Variants in CORO1B observed in about 807,000 individuals in gnomAD.
CORO1B encodes coronin 1B, also known as coronin-1B.
Under a neutral mutation model 51.1 loss-of-function variants are expected in CORO1B, and 30 were observed. The observed-to-expected ratio is 0.59, with a 90% CI of 0.44 to 0.80. CORO1B has a LOEUF of 0.80. CORO1B is among the 30% of genes least tolerant of loss of function. The pLI, the probability that CORO1B is intolerant of heterozygous loss-of-function variation, is 0.00. For synonymous variants in CORO1B, 310 were observed against 289.7 expected (o/e 1.07, Z -0.71); for missense variants, 648 against 700.4 (o/e 0.93, Z 0.84).
At chr11:67,442,210 C>A in intron 2 of CORO1B, 122 bp from the exon 3 acceptor site, 2 of 1,499,868 alleles carry the variant, frequency 1.3e-6, no homozygotes, top group Non-Finnish European at 1.8e-6. Flanking sequence ...GACTGTGCCC[C>A]ACTTGCCAGG....
rs372314596 is a variant in CORO1B at position 67,440,104 on chromosome 11, G to A, written c.1007+14C>T. On this transcript the variant is annotated intron_variant, in intron 8 of 10. Transcript: ENST00000341356. ...GATGCCCCTATCCCCGAGTGGCCTC[G>A]GTAGCCCTCTTACCGGGCGATCTCG... The A allele has an allele frequency of 4.4e-5, 70 of 1,602,816 alleles. No homozygotes were observed. The highest frequency in any genetic ancestry group is 2.9e-4 in the Admixed American group (17 of 59,274).
chr11:67,440,921 G>A, intron 6 of CORO1B: 1 of 701,656 alleles, frequency 1.4e-6, no homozygotes, highest in Non-Finnish European at 2.5e-6. Flanking sequence ...AGACACAGAG[G>A]CAGTGGGAGG....
At chr11:67,442,923 G>A (rs1864426941) in intron 1 of CORO1B, among the ~76,000 whole-genome samples, 1 of 152,218 alleles carries the variant, frequency 6.6e-6, no homozygotes, top group South Asian at 2.1e-4. Context: ...GGGGGCAGGA[G>A]GTGGGAGGTG....
At chr11:67,439,612 CT>C (rs984996502) in intron 9 of CORO1B, among the ~76,000 whole-genome samples, 173 bp downstream of exon 9, 18 of 152,224 alleles carry the variant, frequency 1.2e-4, no homozygotes, top group African/African-American at 3.9e-4. Flanking sequence ...CACTTGCCCC[CT>C]GACTGGCACA....
At chr11:67,442,703 G>C in intron 1 of CORO1B, 73 bp from the exon 2 acceptor site, 2 of 1,499,888 alleles carry the variant, frequency 1.3e-6, no homozygotes, top group Non-Finnish European at 1.8e-6. Context: ...TGCTGAAGGT[G>C]AGCCGGGAGG....
At chr11:67,441,644 C>T (rs1864396046) in intron 4 of CORO1B, 89 bp downstream of exon 4, 1 of 1,551,726 alleles carries the variant, frequency 6.4e-7, no homozygotes, top group African/African-American at 1.4e-5. Flanking sequence ...CTCAGCTTTC[C>T]CATTTGTCAT....
rs746526416 is a variant in CORO1B at position 67,438,450 on chromosome 11, G to C, written c.1396C>G (p.Leu466Val). The C allele has an allele frequency of 1.2e-6, 2 of 1,611,234 alleles. No individual in the cohort carries two copies. The highest frequency in any genetic ancestry group is 2.7e-5 in the African/African-American group (2 of 74,906). ...ATGCGGTCGCCCTGCTCCTTGACCA[G>C]CGCCCTCAGGGCCCGCAGCTCCTGC... ...VMQELRALRA[L>V]VKEQGDRICR... The change falls in exon 11 of 11, where the codon CTG becomes GTG. Residue 466 changes from leucine to valine, a missense_variant. Transcript: ENST00000341356.
At chr11:67,439,897 C>T in intron 8 of CORO1B, 54 bp from the exon 9 acceptor site, 1 of 1,518,540 alleles carries the variant, frequency 6.6e-7, no homozygotes, top group Non-Finnish European at 8.9e-7. Flanking sequence ...CCCCCACCCA[C>T]CGCCAGCTCT....
Position 67,437,607 on chromosome 11 carries a change from C to G in CORO1B, c.*769G>C, listed in dbSNP as rs764213205. 3 of 1,358,658 alleles carry G rather than the reference C, an allele frequency of 2.2e-6. No individual in the cohort carries two copies. The highest frequency in any genetic ancestry group is 2.9e-6 in the Non-Finnish European group (3 of 1,046,948). 84.2% of individuals were successfully genotyped at this position (1,358,658 alleles called of 1,614,324 possible). A position where few individuals can be genotyped will look rare whatever the true frequency, so the allele number is the denominator to read the frequency against. On this transcript the variant is annotated 3_prime_UTR_variant, in exon 11 of 11. Coordinates refer to ENST00000341356, the MANE Select transcript of CORO1B (RefSeq NM_020441.3). ...CCCATCCCAAGAACCCGGGGGGCTC[C>G]GAGGCTTACCATTGGTCCGCAGGCC...
Position 67,442,607 on chromosome 11 carries a change from G to A in CORO1B, c.22C>T (p.Arg8Trp), listed in dbSNP as rs1417986402. 2.5e-6 allele frequency: 4 copies of A among 1,613,524 alleles called. No homozygotes were observed. The highest frequency in any genetic ancestry group is 1.3e-5 in the African/African-American group (1 of 74,934). Reference protein sequence around the residue: MSFRKVVRQSKFRHVFGQ... With the variant: MSFRKVVWQSKFRHVFGQ... ...AACACATGCCGGAATTTGCTCTGCC[G>A]GACCACTTTGCGGAAGGACATGTCT... The change falls in exon 2 of 11, where the codon CGG becomes TGG. Residue 8 changes from arginine (R) to tryptophan (W), a missense_variant. Arg to Trp is a moderately radical substitution (Grantham distance 101). Coordinates refer to ENST00000341356, the MANE Select transcript of CORO1B (RefSeq NM_020441.3).
intron 3 of CORO1B, 33 bp downstream of exon 3, chr11:67,441,933 C>T: frequency 1.2e-6 from 2 of 1,613,044 alleles, no homozygotes; most frequent in South Asian, 1.1e-5. Context: ...CGGCCACACC[C>T]ACGACCCTGG....
chr11:67,442,678 C>A, intron 1 of CORO1B, 48 bp from the exon 2 acceptor site: 1 of 1,575,952 alleles, frequency 6.3e-7, no homozygotes, highest in Non-Finnish European at 8.7e-7. Context: ...CCAACAACTC[C>A]AGCCCTCCCC....
intron 6 of CORO1B, 91 bp from the exon 7 acceptor site, chr11:67,440,530 G>A: frequency 8.8e-7 from 1 of 1,142,590 alleles, no homozygotes; most frequent in Non-Finnish European, 1.3e-6. Context: ...ACTAAGGCCA[G>A]CCAGCACTGC....
At chr11:67,443,610 G>A, upstream of CORO1B, 1 of 710,122 alleles carries the variant, frequency 1.4e-6, no homozygotes, top group Non-Finnish European at 1.7e-6. Flanking sequence ...GAGCGGGGCC[G>A]CCGGGGACGG....
chr11:67,436,726 T>G lies in CORO1B; in HGVS notation c.*1650A>C. On this transcript the variant is annotated 3_prime_UTR_variant, in exon 11 of 11. Transcript: ENST00000341356. ...TGAGGCTGAACCTGACCTTAACCTC[T>G]ACCCTGATGTCTATCACTGCAGCCC... The G allele has an allele frequency of 1.9e-5, 4 of 206,522 alleles. No homozygotes were observed. Among genetic ancestry groups the G allele is most frequent in the Non-Finnish European group, 3.9e-5 (4 of 103,320 alleles). The allele number at this position is 206,522 out of a possible 1,614,324, so 12.8% of individuals were successfully genotyped here. A position where few individuals can be genotyped will look rare whatever the true frequency, so the allele number is the denominator to read the frequency against.
At position 67,441,483 on chromosome 11, in the gene CORO1B, C is replaced by T. The variant is rs781207833; in HGVS notation, c.486G>A (p.Val162=). 4.3e-5 allele frequency: 69 copies of T among 1,613,698 alleles called. No homozygotes were observed. The highest frequency in any genetic ancestry group is 5.8e-5 in the Non-Finnish European group (69 of 1,179,974). ...GCDNVVLIWN[V]GTAEELYRLD... ...GGCGGTACAGCTCCTCCGCTGTGCC[C>T]ACATTCCAGATGAGTACCACGTTGT... Residue 162 remains valine, a synonymous_variant, in exon 5 of 11, where the codon GTG becomes GTA. Transcript: ENST00000341356.
At chr11:67,439,003 C>T (rs1297598809) in intron 9 of CORO1B, 54 bp from the exon 10 acceptor site, 7 of 1,526,614 alleles carry the variant, frequency 4.6e-6, no homozygotes, top group Non-Finnish European at 5.3e-6. Flanking sequence ...ATCAGGGTCC[C>T]CTCATCCCTC....
rs532800018 is a variant in CORO1B, at chr11:67,442,559, G to C, written c.70C>G (p.Gln24Glu). 5.0e-6 allele frequency: 8 copies of C among 1,613,834 alleles called. No homozygotes were observed. The Admixed American group carries it at 8.3e-5, about 17-fold the overall frequency. The stretch of plus-strand genomic sequence containing the variant: ...GACACGCGAATGTCCTCATAGCACT[G>C]GTCGTTCTTGACCGGCTGCCCGAAC... Reference protein sequence around the residue: ...HVFGQPVKNDQCYEDIRVSRV... With the variant: ...HVFGQPVKNDECYEDIRVSRV... Residue 24 changes from glutamine (Q) to glutamate (E), a missense_variant, in exon 2 of 11, where the codon CAG becomes GAG. Gln to Glu is a conservative substitution (Grantham distance 29, BLOSUM62 2). Transcript: ENST00000341356.
rs766639978 is a variant in CORO1B, at chr11:67,440,217, T to C, written c.908A>G (p.Tyr303Cys). 22 of 1,613,766 alleles carry C rather than the reference T, an allele frequency of 1.4e-5. No individual in the cohort carries two copies. The East Asian group carries it at 4.0e-4, about 29-fold the overall frequency. ...GGTGAACGTGTTCAGGAAGTGGATG[T>C]AGGGAGGCTCCTCTGTGATCTCAAA... ...RYFEITEEPP[Y>C]IHFLNTFTSK... The change falls in exon 8 of 11, where the codon TAC becomes TGC. Residue 303 changes from tyrosine (Y) to cysteine (C), a missense_variant. Tyr to Cys is a radical substitution (Grantham distance 194, BLOSUM62 -2). Coordinates refer to ENST00000341356, the MANE Select transcript of CORO1B (RefSeq NM_020441.3).
Sources: allele counts gnomAD v4.1 joint callset (sites outside exome capture counted in the v4.1 genomes callset), GRCh38; gene constraint gnomAD v4.1.1; transcripts MANE v1.5; gene names NCBI Gene and HGNC (gene_info 2026-07-23, HGNC 2026-07-21).